QKI: variants seen among roughly 807,000 people sequenced by gnomAD.
QKI encodes the protein KH domain-containing RNA-binding protein QKI.
In QKI, 10 loss-of-function variants were observed where a neutral mutation model predicts 39.0. The observed-to-expected ratio is 0.26, with a 90% confidence interval of 0.16 to 0.43. The LOEUF is 0.43. Ranked by LOEUF, QKI falls within the 20% of genes least tolerant of loss-of-function variation. The pLI is 1.00. For synonymous variants in QKI, 204 were observed against 155.4 expected (o/e 1.31, Z -2.33); for missense variants, 218 against 428.0 (o/e 0.51, Z 4.33).
chr6:163,440,730 T>C (rs934071844), intron 1 of QKI, among the ~76,000 whole-genome samples: 1 of 152,242 alleles, frequency 6.6e-6, no homozygotes, highest in African/African-American at 2.4e-5. Flanking sequence ...TAGTTTGTTA[T>C]AGAACTGGGA....
At position 163,571,931 on chromosome 6, in the gene QKI, A is replaced by G. The variant is rs995535012; in HGVS notation, c.*1221A>G. 1 of 152,164 alleles carries G rather than the reference A, an allele frequency of 6.6e-6. No homozygotes were observed. Among genetic ancestry groups the G allele is most frequent in the Non-Finnish European group, 1.5e-5 (1 of 68,028 alleles). 9.4% of individuals were successfully genotyped at this position (152,164 alleles called of 1,614,324 possible). A position where few individuals can be genotyped will look rare whatever the true frequency, so the allele number is the denominator to read the frequency against. ...AAGATCAGCTCCTCCCTCAGAATACAAGTTAATGCATGTTACTCAGTCGCC... is the reference window on the plus strand; with the variant it reads ...AAGATCAGCTCCTCCCTCAGAATACGAGTTAATGCATGTTACTCAGTCGCC... On this transcript the variant is annotated 3_prime_UTR_variant, in exon 8 of 8. Coordinates refer to ENST00000361752, the MANE Select transcript of QKI (RefSeq NM_006775.3).
chr6:163,497,639 TA>T (rs57352765), intron 3 of QKI, among the ~76,000 whole-genome samples: 157 of 148,472 alleles, frequency 1.1e-3, no homozygotes, highest in African/African-American at 3.4e-3. Context: ...TATTGTTTGT[TA>T]AAAAAAAAAA....
chr6:163,448,887 C>G (rs936955628), intron 1 of QKI, among the ~76,000 whole-genome samples: 16 of 152,080 alleles, frequency 1.1e-4, no homozygotes, highest in African/African-American at 3.6e-4. Context: ...TTAAAACTTT[C>G]TCTGTATTTA....
At position 163,415,349 on chromosome 6, in the gene QKI, GGGCCCC is replaced by G. The variant is rs755857142; in HGVS notation, c.142+26_142+31del. ...TGCTGGACGAAGGTGAGCGTCTCCA[GGGCCCC>G]GGCCCCGGCCCGACCCCCGCCGGGG... On this transcript the variant is annotated intron_variant, in intron 1 of 7. Transcript: ENST00000361752. The G allele has an allele frequency of 2.2e-5, 34 of 1,579,624 alleles. No individual in the cohort carries two copies. The highest frequency in any genetic ancestry group is 2.1e-4 in the Admixed American group (12 of 58,156).
intron 4 of QKI, among the ~76,000 whole-genome samples, chr6:163,552,947 C>G (rs1782338011): frequency 6.6e-6 from 1 of 151,588 alleles, no homozygotes; most frequent in African/African-American, 2.4e-5. Flanking sequence ...GCCTCCTCAC[C>G]ACCACTCCCG....
At chr6:163,420,464 G>GT (rs1375791731) in intron 1 of QKI, among the ~76,000 whole-genome samples, 4 of 152,236 alleles carry the variant, frequency 2.6e-5, no homozygotes, top group African/African-American at 9.6e-5. Flanking sequence ...CTATTGGTAT[G>GT]TCAGCTGTTA....
chr6:163,511,397 G>A (rs575396352), intron 3 of QKI, among the ~76,000 whole-genome samples: 1 of 151,954 alleles, frequency 6.6e-6, no homozygotes, highest in African/African-American at 2.4e-5. Context: ...GACAACTAGA[G>A]AAAAATAATG....
At chr6:163,523,079 G>A (rs997754408) in intron 3 of QKI, among the ~76,000 whole-genome samples, 1 of 152,122 alleles carries the variant, frequency 6.6e-6, no homozygotes, top group South Asian at 2.1e-4. Flanking sequence ...TCTTTTGCTC[G>A]ATGAGGAAGT....
chr6:163,445,279 G>A (rs2128216334), intron 1 of QKI, among the ~76,000 whole-genome samples: 1 of 101,246 alleles, frequency 9.9e-6, no homozygotes, highest in Admixed American at 9.0e-5. Context: ...AATTTTACCT[G>A]TTTTCCTCCT....
At chr6:163,526,102 TCATA>T (rs1348009095) in intron 3 of QKI, among the ~76,000 whole-genome samples, 3 of 152,156 alleles carry the variant, frequency 2.0e-5, no homozygotes, top group Non-Finnish European at 1.5e-5. Flanking sequence ...TTTTTAGGAA[TCATA>T]CATACCAGAC....
chr6:163,553,065 TA>T (rs1562537258), intron 4 of QKI, among the ~76,000 whole-genome samples: 50 of 2,914 alleles, frequency 0.017, no homozygotes, highest in South Asian at 0.034. Flanking sequence ...TTTTAATTTT[TA>T]TTTATTTATT....
chr6:163,438,482 G>A (rs567805111), intron 1 of QKI, among the ~76,000 whole-genome samples: 14 of 152,116 alleles, frequency 9.2e-5, no homozygotes, highest in African/African-American at 2.9e-4. Flanking sequence ...AAATCTAGAT[G>A]GTATAGCCTA....
Position 163,574,323 on chromosome 6 carries a change from T to C in QKI, c.*3613T>C, listed in dbSNP as rs1783859174. 1 of 152,200 alleles carries C rather than the reference T, an allele frequency of 6.6e-6. No homozygotes were observed. Among genetic ancestry groups the C allele is most frequent in the Non-Finnish European group, 1.5e-5 (1 of 68,032 alleles). The allele number at this position is 152,200 out of a possible 1,614,324, so 9.4% of individuals were successfully genotyped here. On this transcript the variant is annotated 3_prime_UTR_variant, in exon 8 of 8. Coordinates refer to ENST00000361752, the MANE Select transcript of QKI (RefSeq NM_006775.3). ...ATTTTACCTTTATTTAGATTTTTGT[T>C]TTAACTTGACCTTTTTCCTTTGGAA... is the stretch of plus-strand genomic sequence containing the variant.
chr6:163,538,540 C>G (rs1198258749), intron 4 of QKI, among the ~76,000 whole-genome samples: 1 of 152,034 alleles, frequency 6.6e-6, no homozygotes, highest in Admixed American at 6.6e-5. Context: ...CTGGCAGATC[C>G]AAGGCCTGTA....
chr6:163,576,780 C>G lies in QKI; in HGVS notation c.*6070C>G, dbSNP rs551849808. The G allele has an allele frequency of 5.9e-5, 9 of 152,184 alleles. No homozygotes were observed. The highest frequency in any genetic ancestry group is 8.8e-5 in the Non-Finnish European group (6 of 68,000). The allele number at this position is 152,184 out of a possible 1,614,324, so 9.4% of individuals were successfully genotyped here. A position where few individuals can be genotyped will look rare whatever the true frequency, so the allele number is the denominator to read the frequency against. On this transcript the variant is annotated 3_prime_UTR_variant, in exon 8 of 8. Transcript: ENST00000361752. ...TATGAGAATAAAGAACGCACACTTT[C>G]AATTTTATTGAGGCTTTCAACACTA...
chr6:163,566,823 A>G (rs760020213), intron 7 of QKI, 28 bp downstream of exon 7: 11 of 1,611,120 alleles, frequency 6.8e-6, no homozygotes, highest in Middle Eastern at 1.6e-4. Flanking sequence ...GTTCTTGTCT[A>G]TAAGAAATGC....
chr6:163,424,275 C>T (rs1788231756), intron 1 of QKI, among the ~76,000 whole-genome samples: 1 of 152,122 alleles, frequency 6.6e-6, no homozygotes, highest in Admixed American at 6.5e-5. Flanking sequence ...CTGATTCCAC[C>T]GTGGTTGCAG....
chr6:163,563,375 A>G (rs1328944125), intron 5 of QKI, 45 bp from the exon 6 acceptor site: 4 of 1,481,738 alleles, frequency 2.7e-6, no homozygotes, highest in Non-Finnish European at 3.6e-6. Flanking sequence ...CGTATTTTAT[A>G]CTGCTGTCTC....
intron 1 of QKI, chr6:163,415,983 G>C (rs1489728061): frequency 2.1e-6 from 1 of 486,004 alleles, no homozygotes; most frequent in African/African-American, 2.0e-5. Flanking sequence ...AAGTGACGGC[G>C]AAAAGCACTT....
Sources: allele counts gnomAD v4.1 joint callset (sites outside exome capture counted in the v4.1 genomes callset), GRCh38; gene constraint gnomAD v4.1.1; transcripts MANE v1.5; gene names NCBI Gene and HGNC (gene_info 2026-07-23, HGNC 2026-07-21).